Variants in SIGLEC9 observed in about 807,000 individuals in gnomAD.
SIGLEC9 encodes the protein sialic acid-binding Ig-like lectin 9.
A neutral mutation model predicts 38.3 loss-of-function variants in SIGLEC9; 26 were observed. The observed-to-expected ratio is 0.68, with a 90% CI of 0.50 to 0.94. The LOEUF (loss-of-function observed/expected upper bound fraction) is 0.94. SIGLEC9 is among the 40% of genes least tolerant of loss of function. The pLI, the probability that SIGLEC9 is intolerant of heterozygous loss-of-function variation, is 0.00. For synonymous variants in SIGLEC9, 236 were observed against 248.0 expected, an observed-to-expected ratio of 0.95 and a Z score of 0.45; for missense variants, 556 against 585.7, an observed-to-expected ratio of 0.95 and a Z score of 0.52.
At chr19:51,128,148 G>T (rs1239924274) in intron 5 of SIGLEC9, 109 bp downstream of exon 5, 2 of 916,686 alleles carry the variant, frequency 2.2e-6, no homozygotes, top group South Asian at 3.0e-5. Flanking sequence ...TCAAGAGCTT[G>T]GGGCAAGAAG....
In SIGLEC9 at chr19:51,128,041, T is replaced by A; in HGVS notation, c.1106+2T>A. 6.2e-7 allele frequency: 1 copy of A among 1,611,610 alleles called. No homozygotes were observed. The highest frequency in any genetic ancestry group is 2.2e-5 in the East Asian group (1 of 44,862). The stretch of plus-strand genomic sequence containing the variant: ...GTCCTTCTGCGTCATCTTCGTTGTG[T>A]AAGCATGGACCCTAGAGAGGGAGGG... On this transcript the variant is annotated splice_donor_variant, in intron 5 of 6. Coordinates refer to ENST00000250360, the MANE Select transcript of SIGLEC9 (RefSeq NM_014441.3). LOFTEE classifies it high-confidence loss of function.
downstream of SIGLEC9, among the ~76,000 whole-genome samples, chr19:51,135,285 T>C (rs971102832): frequency 9.2e-5 from 14 of 152,358 alleles, no homozygotes; most frequent in Non-Finnish European, 1.9e-4. Flanking sequence ...AATGAATTTT[T>C]TTCAGTTTTT....
downstream of SIGLEC9, among the ~76,000 whole-genome samples, chr19:51,132,759 C>G (rs892119463): frequency 3.9e-5 from 6 of 152,084 alleles, no homozygotes; most frequent in African/African-American, 1.4e-4. Context: ...AGATATTACT[C>G]TATAGCAACA....
At chr19:51,123,735 G>A (rs538117862), upstream of SIGLEC9, among the ~76,000 whole-genome samples, 1 of 152,140 alleles carries the variant, frequency 6.6e-6, no homozygotes. Context: ...AAACCGCTGA[G>A]ATTTTTTCTT....
chr19:51,127,722 G>C (rs2091987945), intron 4 of SIGLEC9, among the ~76,000 whole-genome samples: 1 of 151,358 alleles, frequency 6.6e-6, no homozygotes, highest in Non-Finnish European at 1.5e-5. Context: ...TTCATTAATG[G>C]ATAAAATATT....
chr19:51,128,771 C>T (rs934302019), intron 6 of SIGLEC9: 14 of 424,808 alleles, frequency 3.3e-5, no homozygotes, highest in African/African-American at 2.4e-4. Context: ...CCTGTCTCCT[C>T]TCCTTTCCTG....
chr19:51,128,904 A>T (rs544440190), intron 6 of SIGLEC9: 158 of 178,988 alleles, frequency 8.8e-4, no homozygotes, highest in African/African-American at 3.5e-3. Flanking sequence ...GGACAGATAG[A>T]AACTATTTTC....
Position 51,125,316 on chromosome 19 carries a change from G to C in SIGLEC9, c.342G>C (p.Ala114=). 1.2e-6 allele frequency: 2 copies of C among 1,613,288 alleles called. No homozygotes were observed. Among genetic ancestry groups the C allele is most frequent in the Non-Finnish European group, 1.7e-6 (2 of 1,179,568 alleles). Residue 114 remains alanine (A), a synonymous_variant, in exon 1 of 7, where the codon GCG becomes GCC. Coordinates refer to ENST00000250360, the MANE Select transcript of SIGLEC9 (RefSeq NM_014441.3). The stretch of plus-strand genomic sequence containing the variant: ...TCAGAGATGCCAGAAGAAGTGATGC[G>C]GGGAGATACTTCTTTCGTATGGAGA... ...LSIRDARRSD[A]GRYFFRMEKG... is the part of the protein sequence containing the mutation.
chr19:51,130,952 G>A (rs1293351031), downstream of SIGLEC9, among the ~76,000 whole-genome samples: 1 of 152,186 alleles, frequency 6.6e-6, no homozygotes, highest in African/African-American at 2.4e-5. Flanking sequence ...TTCTGTCTCT[G>A]TCTTTGAAAA....
Position 51,130,196 on chromosome 19 carries a change from A to G in SIGLEC9, c.*117A>G. ...CAACGTGATGAGCTATGATAACACT[A>G]TGAATTATGTGCAGAGTGAAAAGCA... is the stretch of plus-strand genomic sequence containing the variant. On this transcript the variant is annotated 3_prime_UTR_variant, in exon 7 of 7. Coordinates refer to ENST00000250360, the MANE Select transcript of SIGLEC9 (RefSeq NM_014441.3). 10 of 1,445,374 alleles carry G rather than the reference A, an allele frequency of 6.9e-6. No homozygotes were observed. Among genetic ancestry groups the G allele is most frequent in the Non-Finnish European group, 9.1e-6 (10 of 1,101,312 alleles). The allele number at this position is 1,445,374 out of a possible 1,614,324, so 89.5% of individuals were successfully genotyped here.
Position 51,128,031 on chromosome 19 carries a change from C to A in SIGLEC9, c.1098C>A (p.Ile366=), listed in dbSNP as rs1702206313. ...TALVFLSFCV[I]FVVVRSCRKK... The stretch of plus-strand genomic sequence containing the variant: ...TGGTCTTCCTGTCCTTCTGCGTCAT[C>A]TTCGTTGTGTAAGCATGGACCCTAG... The change falls in exon 5 of 7, where the codon ATC becomes ATA. Residue 366 remains isoleucine, a synonymous_variant. Transcript: ENST00000250360. 1 of 1,613,340 alleles carries A rather than the reference C, an allele frequency of 6.2e-7. No homozygotes were observed. Among genetic ancestry groups the A allele is most frequent in the Middle Eastern group, 1.7e-4 (1 of 6,056 alleles).
chr19:51,131,141 C>T (rs191487086), downstream of SIGLEC9, among the ~76,000 whole-genome samples: 303 of 152,162 alleles, frequency 2.0e-3, 1 homozygote, highest in African/African-American at 6.2e-3. Flanking sequence ...AGCACCCGAA[C>T]GAGGAAAGGG....
chr19:51,129,146 G>GTTTTTTTTTTTTTTTTTTT (rs750894593), intron 6 of SIGLEC9, among the ~76,000 whole-genome samples: 1 of 136,198 alleles, frequency 7.3e-6, no homozygotes, highest in Admixed American at 7.1e-5. Context: ...GACTTTTTTT[G>GTTTTTTTTTTTTTTTTTTT]TTTTTTTTTT....
chr19:51,120,006 A>G, upstream of SIGLEC9: 1 of 189,674 alleles, frequency 5.3e-6, no homozygotes, highest in Non-Finnish European at 1.1e-5. This position sits in a 1 kb window ranked among gnomAD's most constrained non-coding sequence, Gnocchi z 4.1. Flanking sequence ...GGAGCTGGTG[A>G]CGGTGCAGGA....
intron 1 of SIGLEC9, 51 bp from the exon 2 acceptor site, chr19:51,125,546 G>A (rs2091971920): frequency 1.9e-6 from 3 of 1,600,898 alleles, no homozygotes; most frequent in Admixed American, 1.7e-5. Context: ...TCCCCCCAGG[G>A]CTGCACCATG....
chr19:51,122,606 C>G (rs1035737849), upstream of SIGLEC9: 1 of 149,488 alleles, frequency 6.7e-6, no homozygotes, highest in Non-Finnish European at 1.5e-5. The surrounding 1 kb of genome is among the most constrained non-coding windows in gnomAD (Gnocchi z 4.1). Context: ...AAGCATGAGT[C>G]AAACAGTCAT....
At position 51,125,187 on chromosome 19, in the gene SIGLEC9, T is replaced by C. The variant is rs140037377; in HGVS notation, c.213T>C (p.Asp71=). ...GGGAAGGGGCCAATACAGACCAGGATGCTCCAGTGGCCACAAACAACCCAG... is the reference window on the plus strand; with the variant it reads ...GGGAAGGGGCCAATACAGACCAGGACGCTCCAGTGGCCACAAACAACCCAG... ...WFREGANTDQ[D]APVATNNPAR... is the part of the protein sequence containing the mutation. The change falls in exon 1 of 7, where the codon GAT becomes GAC. Residue 71 remains aspartate (D), a synonymous_variant. Transcript: ENST00000250360. The C allele has an allele frequency of 1.9e-6, 3 of 1,613,858 alleles. No homozygotes were observed. The African/African-American group carries it at 4.0e-5, about 22-fold the overall frequency.
At position 51,126,143 on chromosome 19, in the gene SIGLEC9, C is replaced by T. The variant is rs1368207851; in HGVS notation, c.748+15C>T. ...AGACGGCACAGGTAGGATGGAGCTC[C>T]CTCCCTGGGGCTGGAGGAGCAGGGC... On this transcript the variant is annotated intron_variant, in intron 3 of 6. Transcript: ENST00000250360. 1.2e-6 allele frequency: 2 copies of T among 1,612,680 alleles called. No homozygotes were observed. Among genetic ancestry groups the T allele is most frequent in the Admixed American group, 1.7e-5 (1 of 60,022 alleles).
chr19:51,129,159 T>TTTTTTTTTTTTTG (rs2091998935), intron 6 of SIGLEC9, among the ~76,000 whole-genome samples: 1 of 144,202 alleles, frequency 6.9e-6, no homozygotes, highest in African/African-American at 2.8e-5. Flanking sequence ...TTTTTTTTTT[T>TTTTTTTTTTTTTG]TTGTTGTTGT....
Sources: gnomAD v4.1 joint callset for allele counts (sites outside exome capture counted in the v4.1 genomes callset) on GRCh38, gnomAD v4.1.1 for gene constraint, Gnocchi (gnomAD v3.1) non-coding constraint, MANE v1.5 for transcripts, NCBI Gene and HGNC (gene_info 2026-07-23, HGNC 2026-07-21) for gene names.